Variants in DNAAF9 observed in about 807,000 individuals in gnomAD.
DNAAF9 encodes shulin.
A neutral mutation model predicts 167.0 loss-of-function variants in DNAAF9; 90 were observed. The observed-to-expected ratio is 0.54, with a 90% CI of 0.45 to 0.64. The LOEUF (loss-of-function observed/expected upper bound fraction) is 0.64. DNAAF9 is among the 30% of genes least tolerant of loss of function. The probability of loss-of-function intolerance (pLI) is 0.00; values close to 1 mark genes in which losing one functional copy is unlikely to be tolerated. For missense variants in DNAAF9, 1,315 were observed against 1,442.2 expected, an observed-to-expected ratio of 0.91 and a Z score of 1.43; for synonymous variants, 491 against 508.8, an observed-to-expected ratio of 0.96 and a Z score of 0.47.
chr20:3,386,991 A>G (rs748060633), intron 1 of DNAAF9, among the ~76,000 whole-genome samples: 3 of 152,246 alleles, frequency 2.0e-5, no homozygotes, highest in East Asian at 1.9e-4. Context: ...GACCACTCAT[A>G]TATTTCTGAA....
At chr20:3,372,304 A>G (rs183608789) in intron 6 of DNAAF9, among the ~76,000 whole-genome samples, 63 of 152,326 alleles carry the variant, frequency 4.1e-4, no homozygotes, top group African/African-American at 1.4e-3. Flanking sequence ...GGCAGGGGAA[A>G]GAAGACTGAG....
At chr20:3,252,879 G>A (rs2068217639) in intron 36 of DNAAF9, among the ~76,000 whole-genome samples, 195 bp from the exon 37 acceptor site, 1 of 152,236 alleles carries the variant, frequency 6.6e-6, no homozygotes, top group Non-Finnish European at 1.5e-5. Flanking sequence ...TGTTGTCACA[G>A]GGATGTTAAT....
chr20:3,314,418 G>C (rs1430774979), intron 20 of DNAAF9, among the ~76,000 whole-genome samples: 2 of 152,164 alleles, frequency 1.3e-5, no homozygotes, highest in Non-Finnish European at 2.9e-5. Context: ...AGCTGAGATG[G>C]AGGGGGTCAC....
At chr20:3,366,955 T>A (rs1207851054) in intron 6 of DNAAF9, among the ~76,000 whole-genome samples, 12 of 151,234 alleles carry the variant, frequency 7.9e-5, no homozygotes, top group Admixed American at 5.9e-4. Flanking sequence ...ATTAAAAAAA[T>A]AAAAATAAAA....
At chr20:3,322,328 T>G in intron 15 of DNAAF9, 66 bp from the exon 16 acceptor site, 1 of 1,305,758 alleles carries the variant, frequency 7.7e-7, no homozygotes, top group South Asian at 1.2e-5. Context: ...TTTACAGTGT[T>G]TGCTTTTTTC....
intron 30 of DNAAF9, among the ~76,000 whole-genome samples, chr20:3,270,177 GTC>G (rs2068568741): frequency 7.5e-6 from 1 of 133,696 alleles, no homozygotes; most frequent in African/African-American, 2.8e-5. Context: ...GTCTTGCTCT[GTC>G]TCTCAGGCTG....
chr20:3,332,413 A>C, intron 10 of DNAAF9, 52 bp from the exon 11 acceptor site: 1 of 904,402 alleles, frequency 1.1e-6, no homozygotes, highest in East Asian at 2.4e-5. Flanking sequence ...TTAGGCATGT[A>C]CTAGTAGATA....
chr20:3,301,136 T>A (rs1160235338), intron 21 of DNAAF9, among the ~76,000 whole-genome samples: 3 of 149,794 alleles, frequency 2.0e-5, no homozygotes, highest in Non-Finnish European at 3.0e-5. Context: ...CACCTAAGCC[T>A]CCCAAATAGT....
intron 4 of DNAAF9, among the ~76,000 whole-genome samples, chr20:3,375,561 A>T (rs908708434): frequency 1.4e-4 from 21 of 152,168 alleles, no homozygotes. Context: ...CAGAAAGCTT[A>T]AAAAATTCTC....
chr20:3,392,293 C>T (rs1457083073), intron 1 of DNAAF9, among the ~76,000 whole-genome samples: 4 of 152,184 alleles, frequency 2.6e-5, no homozygotes, highest in Non-Finnish European at 5.9e-5. Context: ...CTTTAGAAGA[C>T]GCATAGACTC....
intron 20 of DNAAF9, among the ~76,000 whole-genome samples, chr20:3,311,667 G>A (rs1332174727): frequency 2.6e-5 from 4 of 152,138 alleles, no homozygotes; most frequent in African/African-American, 9.7e-5. Flanking sequence ...CAACAAACTG[G>A]ATGAATCCTA....
At chr20:3,384,149 T>G (rs955445162) in intron 1 of DNAAF9, 3 of 152,186 alleles carry the variant, frequency 2.0e-5, no homozygotes, top group Non-Finnish European at 4.4e-5. Context: ...ATTCCATGAC[T>G]TGGCGCTCTT....
chr20:3,353,309 C>G (rs2070362432), intron 7 of DNAAF9, among the ~76,000 whole-genome samples: 1 of 151,900 alleles, frequency 6.6e-6, no homozygotes, highest in African/African-American at 2.4e-5. Context: ...TCTGTCCAAC[C>G]TCTTCAGCTT....
intron 20 of DNAAF9, chr20:3,307,001 GA>G: frequency 1.0e-6 from 1 of 985,306 alleles, no homozygotes; most frequent in Non-Finnish European, 1.2e-6. Context: ...TTGTACTTTT[GA>G]AGTGAACCTT....
intron 30 of DNAAF9, among the ~76,000 whole-genome samples, chr20:3,266,763 C>A (rs573815606): frequency 4.7e-4 from 71 of 152,228 alleles, no homozygotes; most frequent in African/African-American, 1.6e-3. Context: ...TGGCCTGAGC[C>A]ACCATGCTCG....
At chr20:3,313,494 A>G (rs1196601289) in intron 20 of DNAAF9, among the ~76,000 whole-genome samples, 5 of 152,356 alleles carry the variant, frequency 3.3e-5, no homozygotes, top group African/African-American at 1.2e-4. Context: ...GTAGAGGTTG[A>G]GGAATTTGTA....
At chr20:3,407,442 C>A in intron 1 of DNAAF9, 33 bp downstream of exon 1, 1 of 1,283,896 alleles carries the variant, frequency 7.8e-7, no homozygotes, top group Non-Finnish European at 9.8e-7. Flanking sequence ...ATCCCCCGCC[C>A]GGCCGCCCCT....
intron 33 of DNAAF9, 127 bp from the exon 34 acceptor site, chr20:3,256,338 CTGG>C (rs1264207306): frequency 2.4e-5 from 17 of 697,860 alleles, no homozygotes; most frequent in Non-Finnish European, 4.0e-5. Flanking sequence ...ACTGATGTGA[CTGG>C]TGGCAGCTTA....
intron 26 of DNAAF9, among the ~76,000 whole-genome samples, chr20:3,289,850 G>A (rs1440500308): frequency 6.6e-6 from 1 of 152,052 alleles, no homozygotes; most frequent in African/African-American, 2.4e-5. Context: ...CTTTTCACTA[G>A]TTAATATACT....
Sources: allele counts gnomAD v4.1 joint callset (sites outside exome capture counted in the v4.1 genomes callset), GRCh38; gene constraint gnomAD v4.1.1; transcripts MANE v1.5; gene names NCBI Gene and HGNC (gene_info 2026-07-23, HGNC 2026-07-21).